LRP11: variants seen among roughly 807,000 people sequenced by gnomAD.
LRP11 encodes the protein low-density lipoprotein receptor-related protein 11.
In LRP11, 25 loss-of-function variants were observed where a neutral mutation model predicts 43.1. The ratio of observed to expected loss-of-function variants is 0.58; its 90% CI spans 0.42 to 0.81. LRP11 has a LOEUF of 0.81. Ranked by LOEUF, LRP11 falls within the 30% of genes least tolerant of loss-of-function variation. The pLI is 0.00. For synonymous variants in LRP11, 316 were observed against 299.4 expected (o/e 1.06, Z -0.57); for missense variants, 623 against 665.1 (o/e 0.94, Z 0.70).
chr6:149,832,620 C>CT (rs10712132), intron 5 of LRP11, among the ~76,000 whole-genome samples: 3 of 96,418 alleles, frequency 3.1e-5, no homozygotes, highest in African/African-American at 1.2e-4. Flanking sequence ...CAACAATGTA[C>CT]TTTTTTTTTT....
chr6:149,845,992 C>T (rs1393557843), intron 2 of LRP11, among the ~76,000 whole-genome samples: 4 of 152,156 alleles, frequency 2.6e-5, no homozygotes. Context: ...TTGCTCTGAC[C>T]CCAGCCTGTC....
chr6:149,839,663 C>A (rs1299696521), intron 3 of LRP11, among the ~76,000 whole-genome samples: 1 of 152,030 alleles, frequency 6.6e-6, no homozygotes, highest in African/African-American at 2.4e-5. Context: ...ATTTATTTAT[C>A]TATTTATTTG....
At chr6:149,859,396 A>ATATATATATTTTT in intron 1 of LRP11, among the ~76,000 whole-genome samples, 3 of 71,512 alleles carry the variant, frequency 4.2e-5, no homozygotes, top group East Asian at 8.8e-4. Flanking sequence ...ATATATATAT[A>ATATATATATTTTT]TTTTTTTTTT....
rs869148170 is a variant in LRP11, at chr6:149,839,061, G to GTTTT, written c.914-1602_914-1599dup. ...TTGGACATACACTTGGTTTTTTTTTGTTTTTTTTTTTTTTGTAGATACAGG... is the reference window on the plus strand; with the variant it reads ...TTGGACATACACTTGGTTTTTTTTTGTTTTTTTTTTTTTTTTTTGTAGATACAGG... On this transcript the variant is annotated intron_variant, in intron 3 of 6. Coordinates refer to ENST00000239367, the MANE Select transcript of LRP11 (RefSeq NM_032832.6). Among the ~76,000 whole-genome samples, 448 of 136,994 alleles carry GTTTT rather than the reference G, an allele frequency of 3.3e-3. 3 individuals carry two copies. Among genetic ancestry groups the GTTTT allele is most frequent in the African/African-American group, 0.011 (431 of 37,668 alleles). 89.9% of individuals were successfully genotyped at this position (136,994 alleles called of 152,430 possible).
intron 5 of LRP11, among the ~76,000 whole-genome samples, chr6:149,832,191 C>CTTT (rs5880854): frequency 4.8e-4 from 63 of 130,126 alleles, no homozygotes; most frequent in African/African-American, 1.3e-3. Context: ...TGAGCTAAGT[C>CTTT]TTTTTTTTTT....
In LRP11 at chr6:149,863,601, G is replaced by A. The variant is rs1180498942; in HGVS notation, c.420C>T (p.Cys140=). 70 of 1,451,592 alleles carry A rather than the reference G, an allele frequency of 4.8e-5. No individual in the cohort carries two copies. Among genetic ancestry groups the A allele is most frequent in the East Asian group, 6.1e-5 (2 of 32,574 alleles). The allele number at this position is 1,451,592 out of a possible 1,614,324, so 89.9% of individuals were successfully genotyped here. Residue 140 remains cysteine, a synonymous_variant, in exon 1 of 7, where the codon TGC becomes TGT. Transcript: ENST00000239367. The part of the protein sequence containing the change: ...CVAACCSEPR[C]SVAVVELPRR... ...GGGGCAGCTCCACCACGGCCACGGAGCAGCGCGGCTCGGAGCAGCAGGCCG... is the reference window on the plus strand; with the variant it reads ...GGGGCAGCTCCACCACGGCCACGGAACAGCGCGGCTCGGAGCAGCAGGCCG...
At chr6:149,860,029 G>A in intron 1 of LRP11, among the ~76,000 whole-genome samples, 1 of 152,260 alleles carries the variant, frequency 6.6e-6, no homozygotes. Flanking sequence ...AAATATAATT[G>A]TTTATAACAC....
chr6:149,831,042 G>A (rs115253327), intron 5 of LRP11, among the ~76,000 whole-genome samples: 2,332 of 152,302 alleles, frequency 0.015, 69 homozygotes, highest in African/African-American at 0.053. Context: ...CCAGTGTGGC[G>A]AATCGAAACA....
At chr6:149,838,236 A>G (rs1776498709) in intron 3 of LRP11, among the ~76,000 whole-genome samples, 1 of 151,762 alleles carries the variant, frequency 6.6e-6, no homozygotes, top group Non-Finnish European at 1.5e-5. Context: ...ACTATTTTAC[A>G]TATGCTATGT....
intron 1 of LRP11, among the ~76,000 whole-genome samples, chr6:149,859,396 A>ATATATATATATATATATATATATTT: frequency 2.8e-4 from 20 of 71,492 alleles, no homozygotes; most frequent in Non-Finnish European, 3.4e-4. Context: ...ATATATATAT[A>ATATATATATATATATATATATATTT]TTTTTTTTTT....
intron 5 of LRP11, among the ~76,000 whole-genome samples, chr6:149,832,511 C>T (rs1226101229): frequency 6.6e-6 from 1 of 151,994 alleles, no homozygotes; most frequent in Non-Finnish European, 1.5e-5. Flanking sequence ...TTTGTCCTCA[C>T]CACATGTCTG....
Position 149,836,307 on chromosome 6 carries a change from G to A in LRP11, c.1040-10C>T, listed in dbSNP as rs1776471052. ...TTGCGGTCCAGGCCCACTGAAGTGT[G>A]GAAGAGCTACTGTTAGTTGCTGGAT... On this transcript the variant is annotated splice_polypyrimidine_tract_variant and intron_variant, in intron 4 of 6. Coordinates refer to ENST00000239367, the MANE Select transcript of LRP11 (RefSeq NM_032832.6). The A allele has an allele frequency of 1.2e-6, 2 of 1,612,426 alleles. No homozygotes were observed. Among genetic ancestry groups the A allele is most frequent in the Non-Finnish European group, 1.7e-6 (2 of 1,178,724 alleles).
At chr6:149,836,396 T>A in intron 4 of LRP11, 99 bp from the exon 5 acceptor site, 2 of 1,016,448 alleles carry the variant, frequency 2.0e-6, no homozygotes, top group African/African-American at 3.2e-5. Context: ...CACGGATATT[T>A]GGATGTAACA....
At chr6:149,838,015 T>A (rs916873682) in intron 3 of LRP11, among the ~76,000 whole-genome samples, 1 of 152,098 alleles carries the variant, frequency 6.6e-6, no homozygotes, top group Non-Finnish European at 1.5e-5. Context: ...CCTCCCGGGT[T>A]CAAGAGATTC....
chr6:149,858,616 G>C lies in LRP11; in HGVS notation c.613+4792C>G, dbSNP rs538405826. ...AGGTTCTATCCTTCCACTATACTTC[G>C]AGACAACCCTAGGTGTATTCCAGTT... On this transcript the variant is annotated intron_variant, in intron 1 of 6. Transcript: ENST00000239367. Among the ~76,000 whole-genome samples, 8 of 152,146 alleles carry C rather than the reference G, an allele frequency of 5.3e-5. No homozygotes were observed. The East Asian group carries it at 1.3e-3, about 26-fold the overall frequency.
At chr6:149,830,973 A>G (rs1776401375) in intron 5 of LRP11, among the ~76,000 whole-genome samples, 1 of 152,248 alleles carries the variant, frequency 6.6e-6, no homozygotes, top group South Asian at 2.1e-4. Context: ...CCTAGATTTC[A>G]GCATAAGGAA....
rs541723174 is a variant in LRP11 at position 149,825,576 on chromosome 6, T to C, written c.1348+688A>G. Among the ~76,000 whole-genome samples the C allele has an allele frequency of 5.3e-5, 8 of 152,274 alleles. No homozygotes were observed. The South Asian group carries it at 1.7e-3, about 32-fold the overall frequency. ...TATGAGGCAGGTATTGTTACTATCCTCATCTTACGAATGAGGAAACTGAGA... is the reference window on the plus strand; with the variant it reads ...TATGAGGCAGGTATTGTTACTATCCCCATCTTACGAATGAGGAAACTGAGA... On this transcript the variant is annotated intron_variant, in intron 6 of 6. Coordinates refer to ENST00000239367, the MANE Select transcript of LRP11 (RefSeq NM_032832.6).
Position 149,840,806 on chromosome 6 carries a change from T to C in LRP11, c.913+2177A>G, listed in dbSNP as rs529216129. 9.2e-5 allele frequency among the ~76,000 whole-genome samples: 14 copies of C among 152,216 alleles called. No homozygotes were observed. In the South Asian group the frequency reaches 2.9e-3, roughly 32 times the overall value. ...AGTGAGCCATCCCTGCTGGAGACAA[T>C]GTCATGTCTCCACTGGTCCTGGTGG... On this transcript the variant is annotated intron_variant, in intron 3 of 6. Transcript: ENST00000239367.
At position 149,863,511 on chromosome 6, in the gene LRP11, G is replaced by C; in HGVS notation, c.510C>G (p.Arg170=). ...TGTGCAGCGCGAACTTGCAGACGTT[G>C]CGGCCGCGCGCCGTGCAGTTGAAGA... ...CYLFNCTARG[R]NVCKFALHSG... The change falls in exon 1 of 7, where the codon CGC becomes CGG. Residue 170 remains arginine, a synonymous_variant. Coordinates refer to ENST00000239367, the MANE Select transcript of LRP11 (RefSeq NM_032832.6). The C allele has an allele frequency of 1.5e-6, 2 of 1,346,864 alleles. No individual in the cohort carries two copies. Among genetic ancestry groups the C allele is most frequent in the Non-Finnish European group, 9.4e-7 (1 of 1,058,456 alleles). 83.4% of individuals were successfully genotyped at this position (1,346,864 alleles called of 1,614,324 possible). A position where few individuals can be genotyped will look rare whatever the true frequency, so the allele number is the denominator to read the frequency against.
Sources: gnomAD v4.1 joint callset for allele counts (sites outside exome capture counted in the v4.1 genomes callset) on GRCh38, gnomAD v4.1.1 for gene constraint, MANE v1.5 for transcripts, NCBI Gene and HGNC (gene_info 2026-07-23, HGNC 2026-07-21) for gene names.